The following ZNF721 variants were observed in gnomAD, a reference collection of about 807,000 sequenced individuals.
ZNF721 encodes zinc finger protein 721.
A neutral mutation model predicts 2.4 loss-of-function variants in ZNF721; 2 were observed. The ratio of observed to expected loss-of-function variants is 0.82; its 90% CI spans 0.34 to 2.58. The LOEUF is 2.58. Ranked by LOEUF, ZNF721 falls within the 30% of genes most tolerant of loss-of-function variation. The pLI, the probability that ZNF721 is intolerant of heterozygous loss-of-function variation, is 0.11. For missense variants in ZNF721, 1,187 were observed against 1,085.5 expected, an observed-to-expected ratio of 1.09 and a Z score of -1.31; for synonymous variants, 398 against 381.8, an observed-to-expected ratio of 1.04 and a Z score of -0.50.
chr4:451,746 T>C (rs1322497982), intron 2 of ZNF721, among the ~76,000 whole-genome samples: 8 of 152,248 alleles, frequency 5.3e-5, no homozygotes, highest in South Asian at 4.1e-4. Flanking sequence ...GCACAGAACA[T>C]TTTGGGTGTC....
intron 1 of ZNF721, among the ~76,000 whole-genome samples, chr4:496,345 A>C (rs2108726802): frequency 6.6e-6 from 1 of 151,962 alleles, no homozygotes; most frequent in East Asian, 1.9e-4. Flanking sequence ...GCACAGTGTC[A>C]GAGGCTCAAG....
At chr4:473,360 C>T (rs1033919540) in intron 1 of ZNF721, among the ~76,000 whole-genome samples, 12 of 152,060 alleles carry the variant, frequency 7.9e-5, no homozygotes, top group African/African-American at 2.9e-4. Flanking sequence ...GAGTCCCTTA[C>T]CCCAACACAA....
At chr4:496,215 C>T (rs1006093347) in intron 1 of ZNF721, among the ~76,000 whole-genome samples, 4 of 152,030 alleles carry the variant, frequency 2.6e-5, no homozygotes, top group Admixed American at 6.6e-5. Context: ...TTTAGAGTTC[C>T]CCTTCGGATT....
intron 1 of ZNF721, among the ~76,000 whole-genome samples, chr4:497,606 G>T (rs1180445431): frequency 6.6e-6 from 1 of 151,806 alleles, no homozygotes; most frequent in Non-Finnish European, 1.5e-5. Flanking sequence ...ATAACAGGCC[G>T]GACAGGGCGC....
At chr4:444,530 C>T in intron 2 of ZNF721, 98 bp from the exon 3 acceptor site, 1 of 1,211,232 alleles carries the variant, frequency 8.3e-7, no homozygotes, top group Non-Finnish European at 1.1e-6. Flanking sequence ...AGTAAGATCA[C>T]ATAACAAAAT....
intron 2 of ZNF721, among the ~76,000 whole-genome samples, chr4:451,762 C>T (rs1235273436): frequency 1.3e-5 from 2 of 152,210 alleles, no homozygotes; most frequent in Admixed American, 1.3e-4. Flanking sequence ...GTGTCAGGAA[C>T]AGGATCCAAA....
rs1243082135 is a variant in ZNF721, at chr4:452,876, C to G, written c.35-8444G>C. 4.6e-5 allele frequency among the ~76,000 whole-genome samples: 7 copies of G among 152,272 alleles called. No individual in the cohort carries two copies. In the East Asian group the frequency reaches 1.4e-3, roughly 29 times the overall value. ...CCCAATACTCACCAGATAGGGCACACTCAAGAAAGCAGCATTATAAAATGG... is the reference window on the plus strand; with the variant it reads ...CCCAATACTCACCAGATAGGGCACAGTCAAGAAAGCAGCATTATAAAATGG... On this transcript the variant is annotated intron_variant, in intron 2 of 2. Coordinates refer to ENST00000511833, the MANE Select transcript of ZNF721 (RefSeq NM_133474.4).
chr4:457,279 T>G (rs1412337364), intron 2 of ZNF721, among the ~76,000 whole-genome samples: 2 of 152,122 alleles, frequency 1.3e-5, no homozygotes, highest in Non-Finnish European at 2.9e-5. Flanking sequence ...CCACAACTTC[T>G]ACAGTTATAA....
In ZNF721 at chr4:470,964, C is replaced by T. The variant is rs1316582799; in HGVS notation, c.34+1611G>A. Among the ~76,000 whole-genome samples the T allele has an allele frequency of 6.0e-5, 9 of 149,352 alleles. No individual in the cohort carries two copies. In the Admixed American group the frequency reaches 6.0e-4, roughly 10 times the overall value. On this transcript the variant is annotated intron_variant, in intron 2 of 2. Transcript: ENST00000511833. The stretch of plus-strand genomic sequence containing the variant: ...GCAGTGAGCTGAGATCATGCCACTG[C>T]ACTGTAGCCTGGTGACAGAGGAAGA...
chr4:452,411 C>T (rs797040086), intron 2 of ZNF721, among the ~76,000 whole-genome samples: 1 of 152,170 alleles, frequency 6.6e-6, no homozygotes, highest in Non-Finnish European at 1.5e-5. Context: ...AAAAAGGAGG[C>T]CCAGAAATTT....
chr4:458,277 A>G (rs1553865615), intron 2 of ZNF721, among the ~76,000 whole-genome samples: 1 of 152,310 alleles, frequency 6.6e-6, no homozygotes, highest in African/African-American at 2.4e-5. Context: ...TGATGCCCAG[A>G]TAACAGGTCT....
rs782129163 is a variant in ZNF721, at chr4:442,229, A to C, written c.2238T>G (p.Ile746Met). ...ATTTGTAGAGTTTATCTCCAGTATG[A>C]ATTTTCTTATATTCGTTCAGGTTTG... ...WSTNLNEYKK[I>M]HTGDKLYKCK... The change falls in exon 3 of 3, where the codon ATT (isoleucine) becomes ATG (methionine). Residue 746 changes from isoleucine to methionine, a missense_variant. By Grantham distance (10) the Ile-to-Met change is conservative. Transcript: ENST00000511833. 1.5e-5 allele frequency: 25 copies of C among 1,613,150 alleles called. No individual in the cohort carries two copies. The East Asian group carries it at 4.9e-4, about 32-fold the overall frequency.
At chr4:454,491 A>C (rs1418526782) in intron 2 of ZNF721, among the ~76,000 whole-genome samples, 3 of 152,210 alleles carry the variant, frequency 2.0e-5, no homozygotes, top group Non-Finnish European at 4.4e-5. Context: ...GAGGGGTTTG[A>C]GCCTTACTGC....
At chr4:496,163 A>G (rs1716147779) in intron 1 of ZNF721, among the ~76,000 whole-genome samples, 1 of 151,788 alleles carries the variant, frequency 6.6e-6, no homozygotes, top group African/African-American at 2.4e-5. Flanking sequence ...TGGGGGGTAG[A>G]CGGTTGGGTA....
chr4:463,050 A>G (rs1301796270), intron 2 of ZNF721, among the ~76,000 whole-genome samples: 2 of 152,210 alleles, frequency 1.3e-5, no homozygotes, highest in Non-Finnish European at 2.9e-5. Flanking sequence ...AACTTAAACA[A>G]ATTTACAAGA....
At chr4:479,888 T>C (rs1715730382) in intron 1 of ZNF721, among the ~76,000 whole-genome samples, 1 of 152,226 alleles carries the variant, frequency 6.6e-6, no homozygotes, top group Non-Finnish European at 1.5e-5. Flanking sequence ...TGGAAATCTA[T>C]GGGGATTCTT....
intron 2 of ZNF721, among the ~76,000 whole-genome samples, chr4:460,942 G>A (rs925480575): frequency 2.6e-4 from 39 of 152,176 alleles, no homozygotes; most frequent in African/African-American, 9.4e-4. Flanking sequence ...TTCTGAAATT[G>A]AGGCAGTAAT....
intron 2 of ZNF721, among the ~76,000 whole-genome samples, chr4:447,338 T>C (rs1714510099): frequency 6.6e-6 from 1 of 151,646 alleles, no homozygotes; most frequent in Non-Finnish European, 1.5e-5. Flanking sequence ...AATAAATAAA[T>C]AAAATAAAAC....
chr4:497,762 GC>G (rs1480832456), intron 1 of ZNF721, among the ~76,000 whole-genome samples: 5 of 151,756 alleles, frequency 3.3e-5, no homozygotes, highest in Admixed American at 2.0e-4. Flanking sequence ...GACGGGCGTG[GC>G]GGCGGGCGCC....
Sources: allele counts gnomAD v4.1 joint callset (sites outside exome capture counted in the v4.1 genomes callset), GRCh38; gene constraint gnomAD v4.1.1; transcripts MANE v1.5; gene names NCBI Gene and HGNC (gene_info 2026-07-23, HGNC 2026-07-21).